The following PBRM1 variants were observed in gnomAD, a reference collection of about 807,000 sequenced individuals.
PBRM1 encodes the protein protein polybromo-1.
A neutral mutation model predicts 194.5 loss-of-function variants in PBRM1; 27 were observed. The observed-to-expected ratio is 0.14, with a 90% CI of 0.10 to 0.19. The LOEUF is 0.19. Ranked by LOEUF, PBRM1 falls within the 10% of genes least tolerant of loss-of-function variation. The pLI is 1.00. For synonymous variants in PBRM1, 655 were observed against 693.2 expected (o/e 0.94, Z 0.87); for missense variants, 1,466 against 2,077.2 (o/e 0.71, Z 5.72).
chr3:52,621,854 C>T (rs959937178), intron 13 of PBRM1, among the ~76,000 whole-genome samples: 9 of 152,080 alleles, frequency 5.9e-5, no homozygotes, highest in African/African-American at 2.2e-4. Flanking sequence ...GAGTTCGAGA[C>T]CAGCCTGGGC....
intron 20 of PBRM1, among the ~76,000 whole-genome samples, chr3:52,580,905 G>C (rs1458803010): frequency 6.6e-6 from 1 of 152,092 alleles, no homozygotes; most frequent in Non-Finnish European, 1.5e-5. Flanking sequence ...TTGTTTTATA[G>C]TCCTGACTAA....
At chr3:52,582,294 AAT>A (rs1296558984) in intron 20 of PBRM1, among the ~76,000 whole-genome samples, 1 of 151,912 alleles carries the variant, frequency 6.6e-6, no homozygotes, top group Non-Finnish European at 1.5e-5. Flanking sequence ...ATAATATTGA[AAT>A]AAAGATATGA....
chr3:52,675,950 C>G (rs2097091149), intron 2 of PBRM1, among the ~76,000 whole-genome samples: 1 of 95,572 alleles, frequency 1.0e-5, no homozygotes, highest in Admixed American at 1.2e-4. Context: ...CCCGTCTCTA[C>G]TAAAAATACA....
chr3:52,562,013 G>A, intron 24 of PBRM1, 45 bp from the exon 27 acceptor site: 1 of 1,494,108 alleles, frequency 6.7e-7, no homozygotes, highest in Non-Finnish European at 9.3e-7. Context: ...CATTACATTT[G>A]GTTAACTGCT....
intron 11 of PBRM1, among the ~76,000 whole-genome samples, chr3:52,631,407 A>G (rs765056414): frequency 1.3e-5 from 2 of 152,356 alleles, no homozygotes; most frequent in African/African-American, 2.4e-5. Flanking sequence ...ATTTCCTAGA[A>G]TCCAGCAAGC....
At chr3:52,670,868 A>C (rs2096931985) in intron 2 of PBRM1, among the ~76,000 whole-genome samples, 1 of 152,242 alleles carries the variant, frequency 6.6e-6, no homozygotes, top group Non-Finnish European at 1.5e-5. Flanking sequence ...CTCGTCTCTA[A>C]GGAAAACAAA....
chr3:52,632,536 G>A (rs1037894728), intron 11 of PBRM1, among the ~76,000 whole-genome samples: 13 of 152,068 alleles, frequency 8.5e-5, no homozygotes, highest in Non-Finnish European at 7.4e-5. Context: ...GCCAGCTTAC[G>A]CAACAGAGCA....
rs1255641126 is a variant in PBRM1, at chr3:52,676,129, A to T, written c.236+2371T>A. 2.8e-4 allele frequency among the ~76,000 whole-genome samples: 9 copies of T among 31,958 alleles called. 2 individuals carry two copies. The highest frequency in any genetic ancestry group is 5.5e-4 in the Non-Finnish European group (9 of 16,222). The allele number at this position is 31,958 out of a possible 152,430, so 21.0% of individuals were successfully genotyped here. A position where few individuals can be genotyped will look rare whatever the true frequency, so the allele number is the denominator to read the frequency against. On this transcript the variant is annotated intron_variant, in intron 2 of 29. Transcript: ENST00000296302. The stretch of plus-strand genomic sequence containing the variant: ...GACTCCGTCTCAAAAAAAAAAAAAA[A>T]AAAAAAAAAAAAAAAAAAAAAAATA...
At chr3:52,607,439 G>A (rs1260005937) in intron 16 of PBRM1, among the ~76,000 whole-genome samples, 2 of 151,988 alleles carry the variant, frequency 1.3e-5, no homozygotes, top group Non-Finnish European at 2.9e-5. Flanking sequence ...TGTCAACAAT[G>A]GGAGAATGAA....
chr3:52,586,199 G>A, intron 20 of PBRM1: 2 of 357,510 alleles, frequency 5.6e-6, no homozygotes, highest in Non-Finnish European at 5.1e-6. Flanking sequence ...CTCCCAAAAT[G>A]CTGGGATTAC....
At chr3:52,578,959 G>A in intron 21 of PBRM1, 95 bp downstream of exon 23, 1 of 1,150,108 alleles carries the variant, frequency 8.7e-7, no homozygotes, top group Non-Finnish European at 1.3e-6. Flanking sequence ...ACTGCCAGGG[G>A]AAGGACTTTT....
intron 14 of PBRM1, among the ~76,000 whole-genome samples, chr3:52,616,003 T>G (rs2094932664): frequency 6.6e-6 from 1 of 152,210 alleles, no homozygotes; most frequent in Non-Finnish European, 1.5e-5. Context: ...ACTCACCTTA[T>G]GCTTTGCATC....
intron 16 of PBRM1, among the ~76,000 whole-genome samples, chr3:52,608,132 G>GT (rs5848956): frequency 0.073 from 11,161 of 152,146 alleles, 976 homozygotes; most frequent in African/African-American, 0.21. Flanking sequence ...TCCCTTAAGC[G>GT]TAAGTCCTGG....
At chr3:52,644,710 C>G (rs185448951) in exon 8 of PBRM1, 1 of 1,533,832 alleles carries the variant, frequency 6.5e-7, no homozygotes, top group South Asian at 1.1e-5. Context: ...CTACCTCATT[C>G]GAAGACTTGA....
At chr3:52,547,225 CA>C, downstream of PBRM1, 1 of 233,050 alleles carries the variant, frequency 4.3e-6, no homozygotes, top group Non-Finnish European at 8.5e-6. Flanking sequence ...ATAAATAGAT[CA>C]AAATATCCTT....
At chr3:52,578,932 GAGA>G in intron 21 of PBRM1, 119 bp downstream of exon 23, 2 of 872,182 alleles carry the variant, frequency 2.3e-6, no homozygotes, top group South Asian at 2.7e-5. Flanking sequence ...AACATGGTGT[GAGA>G]AGAAGCTGGA....
At chr3:52,576,617 C>A (rs1364366113) in exon 22 of PBRM1, 1 of 1,609,218 alleles carries the variant, frequency 6.2e-7, no homozygotes. Flanking sequence ...TTTTTGTGGG[C>A]TCATGCTCTG....
At chr3:52,557,730 T>C (rs2082510251) in intron 26 of PBRM1, among the ~76,000 whole-genome samples, 1 of 152,188 alleles carries the variant, frequency 6.6e-6, no homozygotes, top group Admixed American at 6.6e-5. Context: ...ATAAGGACTT[T>C]GTATTCTATT....
intron 22 of PBRM1, among the ~76,000 whole-genome samples, chr3:52,565,800 C>A (rs2153544197): frequency 6.6e-6 from 1 of 152,206 alleles, no homozygotes; most frequent in East Asian, 1.9e-4. Context: ...TCTGTAATCC[C>A]AGCACTTTGG....
Sources: gnomAD v4.1 joint callset for allele counts (sites outside exome capture counted in the v4.1 genomes callset) on GRCh38, gnomAD v4.1.1 for gene constraint, MANE v1.5 for transcripts, NCBI Gene and HGNC (gene_info 2026-07-23, HGNC 2026-07-21) for gene names.